Variants in TMEM117 observed in about 807,000 individuals in gnomAD.
The protein encoded by TMEM117 is transmembrane protein 117.
Under a neutral mutation model 52.4 loss-of-function variants are expected in TMEM117, and 27 were observed. The ratio of observed to expected loss-of-function variants is 0.51; its 90% CI spans 0.38 to 0.71. The LOEUF (loss-of-function observed/expected upper bound fraction) is 0.71, where lower values mean the gene tolerates loss of function less well. Ranked by LOEUF, TMEM117 falls within the 30% of genes least tolerant of loss-of-function variation. The probability of loss-of-function intolerance (pLI) is 0.00; values close to 1 mark genes in which losing one functional copy is unlikely to be tolerated. For missense variants in TMEM117, 556 were observed against 630.5 expected, an observed-to-expected ratio of 0.88 and a Z score of 1.26; for synonymous variants, 215 against 206.3, an observed-to-expected ratio of 1.04 and a Z score of -0.36.
intron 2 of TMEM117, among the ~76,000 whole-genome samples, chr12:43,925,468 C>T (rs1460055723): frequency 6.6e-6 from 1 of 152,056 alleles, no homozygotes; most frequent in Non-Finnish European, 1.5e-5. Flanking sequence ...ATAAAGTCGT[C>T]TGTCATATTC....
At chr12:43,941,677 A>G (rs1945047008) in intron 2 of TMEM117, among the ~76,000 whole-genome samples, 1 of 152,214 alleles carries the variant, frequency 6.6e-6, no homozygotes, top group East Asian at 1.9e-4. Flanking sequence ...ATTTGACTGA[A>G]CACTTGGGTC....
At chr12:43,861,307 G>C (rs1487837969) in intron 2 of TMEM117, among the ~76,000 whole-genome samples, 1 of 152,134 alleles carries the variant, frequency 6.6e-6, no homozygotes, top group Non-Finnish European at 1.5e-5. Flanking sequence ...TCCATGTCGG[G>C]GAGGGGGTTG....
At chr12:43,820,272 A>G in the TMEM117 span, among the ~76,000 whole-genome samples, 1 of 145,378 alleles carries the variant, frequency 6.9e-6, no homozygotes, top group Admixed American at 6.8e-5. Flanking sequence ...TAATTTTTGT[A>G]TTTTTGTTTA....
At chr12:43,926,146 G>A (rs114226499) in intron 2 of TMEM117, among the ~76,000 whole-genome samples, 45 of 152,254 alleles carry the variant, frequency 3.0e-4, no homozygotes, top group African/African-American at 9.1e-4. Context: ...CATCTGTCAA[G>A]GAACTTTTGT....
chr12:44,033,623 C>T (rs779947010), intron 3 of TMEM117, among the ~76,000 whole-genome samples: 14 of 152,188 alleles, frequency 9.2e-5, no homozygotes, highest in Non-Finnish European at 1.6e-4. Context: ...AGGTCACACA[C>T]ATGATGTGAT....
At chr12:43,951,467 G>A (rs998780466) in intron 3 of TMEM117, among the ~76,000 whole-genome samples, 47 of 152,180 alleles carry the variant, frequency 3.1e-4, no homozygotes, top group Admixed American at 1.3e-3. Context: ...GAGGGGAAGC[G>A]CCATTACTGT....
intron 3 of TMEM117, among the ~76,000 whole-genome samples, chr12:44,139,438 G>C (rs1286428877): frequency 6.6e-6 from 1 of 151,776 alleles, no homozygotes; most frequent in Non-Finnish European, 1.5e-5. Context: ...ATCTCGTATT[G>C]TCAAGATGTT....
chr12:43,888,363 A>G (rs2614394), intron 2 of TMEM117, among the ~76,000 whole-genome samples: 119,003 of 152,012 alleles, frequency 0.78, 49,074 homozygotes, highest in Non-Finnish European at 0.9. Flanking sequence ...TATGCCATCC[A>G]TTAGCCATAC....
chr12:44,033,075 A>G lies in TMEM117; in HGVS notation c.410+88733A>G, dbSNP rs1446225003. 3.3e-5 allele frequency among the ~76,000 whole-genome samples: 5 copies of G among 152,318 alleles called. No individual in the cohort carries two copies. The East Asian group carries it at 9.7e-4, about 29-fold the overall frequency. On this transcript the variant is annotated intron_variant, in intron 3 of 7. Coordinates refer to ENST00000266534, the MANE Select transcript of TMEM117 (RefSeq NM_032256.3). The stretch of plus-strand genomic sequence containing the variant: ...AGGCCATAAAGACCTTGCTGATAAA[A>G]TGAGTTGCAGTAAAGAAACCAGCCA...
intron 3 of TMEM117, among the ~76,000 whole-genome samples, chr12:43,963,500 G>T (rs1358971220): frequency 6.6e-6 from 1 of 152,194 alleles, no homozygotes; most frequent in African/African-American, 2.4e-5. Context: ...TGTTATTTCT[G>T]TTGGGATGCT....
chr12:44,164,653 T>G (rs778602864), intron 4 of TMEM117, among the ~76,000 whole-genome samples: 1 of 152,150 alleles, frequency 6.6e-6, no homozygotes, highest in Non-Finnish European at 1.5e-5. Context: ...TTCTGTAAAC[T>G]CTGGGATATA....
chr12:44,267,109 T>C (rs930481241), intron 5 of TMEM117, among the ~76,000 whole-genome samples: 1 of 152,172 alleles, frequency 6.6e-6, no homozygotes, highest in Admixed American at 6.5e-5. Flanking sequence ...CTGAAGAGTA[T>C]GTCCATCTTA....
intron 7 of TMEM117, among the ~76,000 whole-genome samples, chr12:44,381,850 A>G (rs1426244797): frequency 6.6e-6 from 1 of 152,122 alleles, no homozygotes; most frequent in Admixed American, 6.6e-5. Context: ...GAATCAGGCC[A>G]TGAGAAGGCT....
chr12:43,972,767 G>A lies in TMEM117; in HGVS notation c.410+28425G>A, dbSNP rs113618897. The stretch of plus-strand genomic sequence containing the variant: ...GCTGTGTTTTTACAGAGCACAGATC[G>A]GTACATTTTACAAACCTCTAGCTAG... On this transcript the variant is annotated intron_variant, in intron 3 of 7. Coordinates refer to ENST00000266534, the MANE Select transcript of TMEM117 (RefSeq NM_032256.3). 8.5e-3 allele frequency among the ~76,000 whole-genome samples: 1,294 copies of A among 152,150 alleles called. 13 individuals carry two copies. Among genetic ancestry groups the A allele is most frequent in the African/African-American group, 0.03 (1,229 of 41,490 alleles).
Position 43,844,464 on chromosome 12 carries a change from G to A in TMEM117, c.-28-160G>A, listed in dbSNP as rs548007866. Among the ~76,000 whole-genome samples the A allele has an allele frequency of 5.9e-5, 9 of 152,282 alleles. No individual in the cohort carries two copies. In the South Asian group the frequency reaches 8.3e-4, roughly 14 times the overall value. On this transcript the variant is annotated intron_variant, in intron 1 of 7. Coordinates refer to ENST00000266534, the MANE Select transcript of TMEM117 (RefSeq NM_032256.3). The stretch of plus-strand genomic sequence containing the variant: ...AGATGTTAGGGAAGGGACAGTATTC[G>A]CTTTCCTCATTCTCAGACTTGTCTT...
chr12:44,172,981 T>A (rs569026272), intron 4 of TMEM117, among the ~76,000 whole-genome samples: 1 of 152,348 alleles, frequency 6.6e-6, no homozygotes, highest in East Asian at 1.9e-4. Context: ...CACCTTGGCC[T>A]CCAGAAGTGC....
intron 3 of TMEM117, among the ~76,000 whole-genome samples, chr12:44,093,084 CTG>C (rs1456860868): frequency 1.3e-5 from 2 of 152,036 alleles, no homozygotes; most frequent in Non-Finnish European, 2.9e-5. Flanking sequence ...GGGAATAAGA[CTG>C]TGAAAGTTTG....
the TMEM117 span, among the ~76,000 whole-genome samples, chr12:43,830,534 C>A: frequency 1.3e-5 from 2 of 151,128 alleles, no homozygotes; most frequent in Non-Finnish European, 2.9e-5. Context: ...CGCTTGAACC[C>A]AGGAGGCAGA....
intron 3 of TMEM117, among the ~76,000 whole-genome samples, chr12:44,063,591 A>G (rs1005615240): frequency 5.9e-5 from 9 of 151,632 alleles, no homozygotes; most frequent in East Asian, 1.9e-4. Flanking sequence ...TACATTAGGT[A>G]TATCTCCTAA....
Sources: gnomAD v4.1 joint callset for allele counts (sites outside exome capture counted in the v4.1 genomes callset) on GRCh38, gnomAD v4.1.1 for gene constraint, MANE v1.5 for transcripts, NCBI Gene and HGNC (gene_info 2026-07-23, HGNC 2026-07-21) for gene names.